The following ASB3 variants were observed in gnomAD, a reference collection of about 807,000 sequenced individuals.
ASB3 encodes ankyrin repeat and SOCS box containing 3, also known as ankyrin repeat and SOCS box protein 3.
Under a neutral mutation model 54.5 loss-of-function variants are expected in ASB3, and 41 were observed. The ratio of observed to expected loss-of-function variants is 0.75; its 90% confidence interval spans 0.59 to 0.98. The LOEUF is 0.98. Among genes scored for constraint, ASB3 ranks in the 50% least tolerant of loss-of-function variants. The pLI is 0.00. For missense variants in ASB3, 733 were observed against 620.0 expected, an observed-to-expected ratio of 1.18 and a Z score of -1.94; for synonymous variants, 266 against 221.2, an observed-to-expected ratio of 1.20 and a Z score of -1.80.
intron 5 of ASB3, among the ~76,000 whole-genome samples, chr2:53,718,709 C>A (rs1670530974): frequency 6.6e-6 from 1 of 151,676 alleles, no homozygotes; most frequent in African/African-American, 2.4e-5. Flanking sequence ...TCATACAAAT[C>A]TTTCGCCTTT....
chr2:53,724,682 A>T (rs1039778858), intron 5 of ASB3, among the ~76,000 whole-genome samples: 3 of 152,176 alleles, frequency 2.0e-5, no homozygotes, highest in Admixed American at 6.5e-5. Context: ...CACATGAAGA[A>T]TTGCTCAACA....
At chr2:53,724,443 C>T (rs564261732) in intron 5 of ASB3, among the ~76,000 whole-genome samples, 8 of 151,670 alleles carry the variant, frequency 5.3e-5, no homozygotes, top group Non-Finnish European at 1.2e-4. Context: ...ACTAAAAATA[C>T]AAAAAATTAG....
chr2:53,686,094 C>T lies in ASB3; in HGVS notation c.1369+7790G>A, dbSNP rs941029211. Among the ~76,000 whole-genome samples the T allele has an allele frequency of 4.4e-4, 67 of 152,184 alleles. 1 individual carries two copies. The highest frequency in any genetic ancestry group is 1.5e-3 in the African/African-American group (63 of 41,444). ...CGTTATTATCACATGATTCTGCTCC[C>T]CTTCCCTTTCTGAAGTATCATGGAA... On this transcript the variant is annotated intron_variant, in intron 9 of 9. Coordinates refer to ENST00000263634, the MANE Select transcript of ASB3 (RefSeq NM_016115.5).
intron 9 of ASB3, among the ~76,000 whole-genome samples, chr2:53,683,258 G>A (rs957118639): frequency 2.0e-4 from 31 of 152,134 alleles, no homozygotes; most frequent in Non-Finnish European, 4.6e-4. Context: ...TTGATATAAC[G>A]TACCACACTG....
At chr2:53,726,524 G>T (rs951135614) in intron 5 of ASB3, among the ~76,000 whole-genome samples, 1 of 151,694 alleles carries the variant, frequency 6.6e-6, no homozygotes, top group East Asian at 1.9e-4. Context: ...GCCTCCCAAA[G>T]TGTTGGGATT....
chr2:53,758,032 G>A (rs757470332), intron 2 of ASB3, among the ~76,000 whole-genome samples: 15 of 152,134 alleles, frequency 9.9e-5, no homozygotes, highest in Non-Finnish European at 1.9e-4. Context: ...GAAAAGAGAG[G>A]GAGAGAGAGA....
intron 9 of ASB3, among the ~76,000 whole-genome samples, chr2:53,680,265 T>C (rs1338994686): frequency 2.0e-5 from 3 of 152,210 alleles, no homozygotes; most frequent in Admixed American, 1.3e-4. Flanking sequence ...TACCCAGTTA[T>C]GGGATTGCTG....
chr2:53,755,128 G>A (rs1026633871), intron 2 of ASB3, among the ~76,000 whole-genome samples: 5 of 152,204 alleles, frequency 3.3e-5, no homozygotes, highest in African/African-American at 1.2e-4. Flanking sequence ...GGGTATTAAA[G>A]ACATTCTTAA....
chr2:53,752,491 C>T (rs143039998), intron 2 of ASB3, among the ~76,000 whole-genome samples: 13 of 152,350 alleles, frequency 8.5e-5, no homozygotes, highest in African/African-American at 3.1e-4. Context: ...TTCCCAGTGG[C>T]TTCACCCCAT....
intron 1 of ASB3, chr2:53,767,303 T>G (rs1318295211): frequency 6.6e-6 from 1 of 152,308 alleles, no homozygotes; most frequent in African/African-American, 2.4e-5. Flanking sequence ...TATTGTAAAC[T>G]TTCTGCTTTT....
intron 1 of ASB3, chr2:53,774,446 A>C (rs766814794): frequency 1.2e-6 from 2 of 1,607,100 alleles, no homozygotes; most frequent in Non-Finnish European, 1.7e-6. Flanking sequence ...GTGCCAGAAG[A>C]AGCAGATGAG....
intron 5 of ASB3, among the ~76,000 whole-genome samples, chr2:53,720,309 T>G (rs1459734514): frequency 6.6e-6 from 1 of 152,226 alleles, no homozygotes. Context: ...CCAACCACTT[T>G]GGGCATATGT....
chr2:53,719,446 A>C (rs534864906), intron 5 of ASB3, among the ~76,000 whole-genome samples: 39 of 152,320 alleles, frequency 2.6e-4, no homozygotes, highest in Admixed American at 1.7e-3. Flanking sequence ...GCATGATCAT[A>C]AACAAAAAAA....
At chr2:53,763,084 A>T (rs1457375146) in intron 2 of ASB3, among the ~76,000 whole-genome samples, 4 of 152,148 alleles carry the variant, frequency 2.6e-5, no homozygotes, top group Admixed American at 2.6e-4. Flanking sequence ...AGGTAGGAAA[A>T]TTATATAATA....
intron 3 of ASB3, among the ~76,000 whole-genome samples, chr2:53,735,885 T>A (rs1240675643): frequency 6.6e-6 from 1 of 151,698 alleles, no homozygotes; most frequent in East Asian, 1.9e-4. Flanking sequence ...TGGTTTTGGG[T>A]CCACTGAATA....
chr2:53,758,541 G>A (rs1672964170), intron 2 of ASB3, among the ~76,000 whole-genome samples: 1 of 152,184 alleles, frequency 6.6e-6, no homozygotes, highest in Non-Finnish European at 1.5e-5. Flanking sequence ...ACCCAGCCCA[G>A]CTCTAGAACT....
chr2:53,781,989 C>T (rs572911786), intron 1 of ASB3, among the ~76,000 whole-genome samples: 1 of 152,206 alleles, frequency 6.6e-6, no homozygotes, highest in South Asian at 2.1e-4. Flanking sequence ...GTAATCCCAA[C>T]ACTCTGGGAA....
intron 3 of ASB3, among the ~76,000 whole-genome samples, chr2:53,740,288 C>A (rs931391346): frequency 6.6e-6 from 1 of 152,096 alleles, no homozygotes; most frequent in Non-Finnish European, 1.5e-5. Context: ...TTTCCCCCAC[C>A]TCTTTCATGA....
intron 9 of ASB3, among the ~76,000 whole-genome samples, chr2:53,683,659 T>C (rs114323813): frequency 5.3e-5 from 8 of 152,294 alleles, no homozygotes; most frequent in Non-Finnish European, 7.4e-5. Context: ...TTATTACTTG[T>C]TATTGGTCTG....
Sources: gnomAD v4.1 joint callset for allele counts (sites outside exome capture counted in the v4.1 genomes callset) on GRCh38, gnomAD v4.1.1 for gene constraint, MANE v1.5 for transcripts, NCBI Gene and HGNC (gene_info 2026-07-23, HGNC 2026-07-21) for gene names.